The following KCNMA1 variants were observed in gnomAD, a reference collection of about 807,000 sequenced individuals.
KCNMA1 encodes potassium calcium-activated channel subfamily M alpha 1.
KCNMA1 carries 29 observed loss-of-function variants against 140.0 expected under a neutral mutation model. The observed-to-expected ratio is 0.21, with a 90% confidence interval of 0.15 to 0.28. KCNMA1 has a LOEUF of 0.28. Among genes scored for constraint, KCNMA1 ranks in the 10% least tolerant of loss-of-function variants. The probability of loss-of-function intolerance (pLI) is 1.00; values close to 1 mark genes in which losing one functional copy is unlikely to be tolerated. For synonymous variants in KCNMA1, 612 were observed against 611.9 expected (o/e 1.00, Z 0.00); for missense variants, 880 against 1,602.2 (o/e 0.55, Z 7.70).
chr10:77,452,807 G>A (rs1490194814), intron 1 of KCNMA1, among the ~76,000 whole-genome samples: 2 of 152,186 alleles, frequency 1.3e-5, no homozygotes, highest in Non-Finnish European at 2.9e-5. Flanking sequence ...CCTTTATCTT[G>A]TGTCTGATTC....
chr10:77,252,564 C>T (rs1194369809), intron 2 of KCNMA1, among the ~76,000 whole-genome samples: 7 of 138,442 alleles, frequency 5.1e-5, no homozygotes, highest in South Asian at 2.4e-4. Flanking sequence ...TGTGCGGGCA[C>T]GTGTGCCTGT....
At chr10:77,194,096 G>A (rs1022015158) in intron 3 of KCNMA1, among the ~76,000 whole-genome samples, 2 of 152,122 alleles carry the variant, frequency 1.3e-5, no homozygotes, top group African/African-American at 4.8e-5. Context: ...GAAAGAGAGG[G>A]CATCCTAGAG....
intron 1 of KCNMA1, among the ~76,000 whole-genome samples, chr10:77,561,706 A>G (rs1019985635): frequency 1.3e-5 from 2 of 152,202 alleles, no homozygotes; most frequent in African/African-American, 2.4e-5. Flanking sequence ...GCTAGGCTGG[A>G]GACCTCCTGC....
intron 5 of KCNMA1, among the ~76,000 whole-genome samples, chr10:77,128,679 G>A (rs1381932347): frequency 6.6e-6 from 1 of 151,994 alleles, no homozygotes; most frequent in Non-Finnish European, 1.5e-5. Flanking sequence ...AATATTTTAG[G>A]CTGTCACAAC....
Position 77,108,684 on chromosome 10 carries a change from C to G in KCNMA1, c.1132-112G>C. On this transcript the variant is annotated intron_variant, in intron 8 of 27. Coordinates refer to ENST00000286628, the MANE Select transcript of KCNMA1 (RefSeq NM_001161352.2). This position sits in a 1 kb window ranked among gnomAD's most constrained non-coding sequence, Gnocchi z 4.6. ...TGAAAACACAAAAGGATTAGGCCTGCAAAGGTATATATTGATATGTTGGAT... is the reference window on the plus strand; with the variant it reads ...TGAAAACACAAAAGGATTAGGCCTGGAAAGGTATATATTGATATGTTGGAT... 1 of 799,570 alleles carries G rather than the reference C, an allele frequency of 1.3e-6. No individual in the cohort carries two copies. Among genetic ancestry groups the G allele is most frequent in the East Asian group, 2.5e-5 (1 of 40,438 alleles). 49.5% of individuals were successfully genotyped at this position (799,570 alleles called of 1,614,324 possible). A position where few individuals can be genotyped will look rare whatever the true frequency, so the allele number is the denominator to read the frequency against.
intron 3 of KCNMA1, among the ~76,000 whole-genome samples, chr10:77,230,925 A>T (rs537869976): frequency 6.8e-4 from 104 of 152,238 alleles, no homozygotes; most frequent in African/African-American, 2.4e-3. Flanking sequence ...GCTTGAAGTG[A>T]AGCAGATAAC....
At chr10:77,001,971 C>G (rs1055810319) in intron 18 of KCNMA1, among the ~76,000 whole-genome samples, 1 of 152,190 alleles carries the variant, frequency 6.6e-6, no homozygotes, top group Non-Finnish European at 1.5e-5. Flanking sequence ...AATATACACA[C>G]TGCCAATCAA....
chr10:77,443,866 T>C (rs985010654), intron 1 of KCNMA1, among the ~76,000 whole-genome samples: 10 of 152,192 alleles, frequency 6.6e-5, no homozygotes, highest in African/African-American at 1.7e-4. Flanking sequence ...AGGGTGACTA[T>C]AGTTTAGAAA....
chr10:76,902,974 C>A (rs1242244402), intron 25 of KCNMA1: 1 of 152,248 alleles, frequency 6.6e-6, no homozygotes, highest in East Asian at 1.9e-4. Context: ...TGATTCTAAT[C>A]TCTGAGAGCT....
intron 14 of KCNMA1, among the ~76,000 whole-genome samples, chr10:77,053,450 A>G (rs1292770746): frequency 6.6e-6 from 1 of 152,214 alleles, no homozygotes; most frequent in Non-Finnish European, 1.5e-5. Flanking sequence ...TGGAGGGTGA[A>G]TTGCCAGAGA....
rs1432171135 is a variant in KCNMA1 at position 77,171,386 on chromosome 10, CGTGTGTGTGTGTGCGT to C, written c.808+12019_808+12034del. ...GAATAGATTTCGGAAAGTACGTGTGCGTGTGTGTGTGTGCGTGTGTGTGTGTGTGTGTGTGTGTGTG... is the reference window on the plus strand; with the variant it reads ...GAATAGATTTCGGAAAGTACGTGTGCGTGTGTGTGTGTGTGTGTGTGTGTG... On this transcript the variant is annotated intron_variant, in intron 5 of 27. Coordinates refer to ENST00000286628, the MANE Select transcript of KCNMA1 (RefSeq NM_001161352.2). Among the ~76,000 whole-genome samples, 103 of 137,156 alleles carry C rather than the reference CGTGTGTGTGTGTGCGT, an allele frequency of 7.5e-4. 2 individuals are homozygous for C. Among genetic ancestry groups the C allele is most frequent in the Middle Eastern group, 7.4e-3 (2 of 270 alleles). The allele number at this position is 137,156 out of a possible 152,430, so 90.0% of individuals were successfully genotyped here. A position where few individuals can be genotyped will look rare whatever the true frequency, so the allele number is the denominator to read the frequency against.
At chr10:76,976,711 C>T (rs1357606704) in intron 19 of KCNMA1, among the ~76,000 whole-genome samples, 2 of 152,154 alleles carry the variant, frequency 1.3e-5, no homozygotes, top group African/African-American at 4.8e-5. Flanking sequence ...TTGCCCAACA[C>T]TCCGCCCTGT....
chr10:77,118,160 C>G (rs1024999775), intron 6 of KCNMA1, among the ~76,000 whole-genome samples: 1 of 152,226 alleles, frequency 6.6e-6, no homozygotes, highest in African/African-American at 2.4e-5. Context: ...GAGAGCCAGA[C>G]AAAATCTCCC....
At chr10:77,599,861 T>C (rs1021459301) in intron 1 of KCNMA1, among the ~76,000 whole-genome samples, 3 of 152,150 alleles carry the variant, frequency 2.0e-5, no homozygotes, top group Admixed American at 6.5e-5. Context: ...GAGCCCCTGA[T>C]GGTCCGTCCT....
Position 76,934,316 on chromosome 10 carries a change from G to A in KCNMA1, c.2902+10457C>T, listed in dbSNP as rs544801278. Among the ~76,000 whole-genome samples, 8 of 152,220 alleles carry A rather than the reference G, an allele frequency of 5.3e-5. No individual in the cohort carries two copies. The South Asian group carries it at 1.2e-3, about 24-fold the overall frequency. ...TATTTTTTTCTTGAGATGGAATTTCGCTCTTGTTGCTTTTAAGAAAAGAAG... is the reference window on the plus strand; with the variant it reads ...TATTTTTTTCTTGAGATGGAATTTCACTCTTGTTGCTTTTAAGAAAAGAAG... On this transcript the variant is annotated intron_variant, in intron 23 of 27. Transcript: ENST00000286628.
chr10:77,257,676 G>A (rs2061073798), intron 2 of KCNMA1, among the ~76,000 whole-genome samples: 1 of 152,186 alleles, frequency 6.6e-6, no homozygotes, highest in African/African-American at 2.4e-5. Flanking sequence ...TGTTGTGGGA[G>A]GGACCTGGTG....
At position 77,045,915 on chromosome 10, in the gene KCNMA1, A is replaced by G. The variant is rs150611508; in HGVS notation, c.1750-6278T>C. 9.5e-4 allele frequency among the ~76,000 whole-genome samples: 145 copies of G among 152,324 alleles called. No homozygotes were observed. In the East Asian group the frequency reaches 0.022, roughly 24 times the overall value. On this transcript the variant is annotated intron_variant, in intron 14 of 27. Transcript: ENST00000286628. Reference sequence around the variant, plus strand: ...TGAAGTCATGTAAATAATTCCAAAGATTGTCATATACTAGTCCTTATTTAA... The same window carrying G: ...TGAAGTCATGTAAATAATTCCAAAGGTTGTCATATACTAGTCCTTATTTAA...
intron 1 of KCNMA1, chr10:77,636,242 T>C (rs979737935): frequency 1.4e-6 from 2 of 1,436,342 alleles, no homozygotes; most frequent in Non-Finnish European, 1.8e-6. Context: ...TTTCTATCAG[T>C]GTCGGGTCCC....
At chr10:77,252,704 C>T (rs2059914072) in intron 2 of KCNMA1, among the ~76,000 whole-genome samples, 1 of 152,066 alleles carries the variant, frequency 6.6e-6, no homozygotes, top group African/African-American at 2.4e-5. Flanking sequence ...TAAAGCATTG[C>T]AAAACTGCAT....
Sources: gnomAD v4.1 joint callset for allele counts (sites outside exome capture counted in the v4.1 genomes callset) on GRCh38, gnomAD v4.1.1 for gene constraint, Gnocchi (gnomAD v3.1) non-coding constraint, MANE v1.5 for transcripts, NCBI Gene and HGNC (gene_info 2026-07-23, HGNC 2026-07-21) for gene names.